GALNTL6: variants seen among roughly 807,000 people sequenced by gnomAD.
GALNTL6 encodes polypeptide N-acetylgalactosaminyltransferase like 6, also known as polypeptide N-acetylgalactosaminyltransferase-like 6.
A neutral mutation model predicts 73.7 loss-of-function variants in GALNTL6; 46 were observed. That is an observed-to-expected ratio of 0.62 (90% confidence interval 0.49 to 0.80). The LOEUF is 0.80. GALNTL6 is among the 30% of genes least tolerant of loss of function. The pLI is 0.00. For synonymous variants in GALNTL6, 259 were observed against 263.7 expected (o/e 0.98, Z 0.17); for missense variants, 604 against 755.0 (o/e 0.80, Z 2.34).
intron 5 of GALNTL6, among the ~76,000 whole-genome samples, chr4:172,767,511 T>C (rs2110850024): frequency 6.6e-6 from 1 of 152,284 alleles, no homozygotes; most frequent in South Asian, 2.1e-4. Context: ...CACCTTTTTT[T>C]CCCTTAACTA....
intron 5 of GALNTL6, among the ~76,000 whole-genome samples, chr4:172,580,959 T>G (rs1737162031): frequency 6.6e-6 from 1 of 152,098 alleles, no homozygotes; most frequent in Non-Finnish European, 1.5e-5. Context: ...ATGGAGTTTC[T>G]CCCTGTTGGT....
At chr4:172,797,672 G>A (rs745410809) in intron 5 of GALNTL6, among the ~76,000 whole-genome samples, 1 of 151,934 alleles carries the variant, frequency 6.6e-6, no homozygotes, top group Non-Finnish European at 1.5e-5. Flanking sequence ...CTGTGTAGCT[G>A]GGACTACAGG....
chr4:172,880,133 C>A (rs780111679), intron 7 of GALNTL6, among the ~76,000 whole-genome samples: 1 of 151,990 alleles, frequency 6.6e-6, no homozygotes, highest in Admixed American at 6.6e-5. Context: ...ACTATATGAT[C>A]TAGTTATTCC....
chr4:172,649,897 C>T (rs1740399109), intron 5 of GALNTL6, among the ~76,000 whole-genome samples: 1 of 152,122 alleles, frequency 6.6e-6, no homozygotes, highest in Admixed American at 6.6e-5. Context: ...AGGCACAAAT[C>T]TCATTTAGTA....
intron 2 of GALNTL6, among the ~76,000 whole-genome samples, chr4:172,190,320 G>A (rs1579233676): frequency 6.6e-6 from 1 of 152,168 alleles, no homozygotes; most frequent in African/African-American, 2.4e-5. Flanking sequence ...AATTTATGGT[G>A]TGCTGAAGAT....
intron 3 of GALNTL6, among the ~76,000 whole-genome samples, chr4:172,302,146 G>A (rs530344455): frequency 2.0e-5 from 3 of 152,312 alleles, no homozygotes; most frequent in African/African-American, 4.8e-5. Flanking sequence ...GTGAGGCTCT[G>A]TGGGCGTAGG....
intron 5 of GALNTL6, among the ~76,000 whole-genome samples, chr4:172,805,386 T>C (rs1218002970): frequency 6.6e-6 from 1 of 152,200 alleles, no homozygotes; most frequent in Non-Finnish European, 1.5e-5. Context: ...CACAGTAACA[T>C]GATGTCAAAA....
At chr4:172,244,831 T>A (rs1737566305) in intron 3 of GALNTL6, among the ~76,000 whole-genome samples, 1 of 152,204 alleles carries the variant, frequency 6.6e-6, no homozygotes, top group South Asian at 2.1e-4. Context: ...AAGAGAAACA[T>A]TTTGGGAGCT....
chr4:173,037,354 G>A (rs992506290), intron 12 of GALNTL6, among the ~76,000 whole-genome samples: 4 of 152,190 alleles, frequency 2.6e-5, no homozygotes, highest in African/African-American at 9.7e-5. Context: ...TACTGATGAA[G>A]CTTCTCAGAC....
intron 2 of GALNTL6, among the ~76,000 whole-genome samples, chr4:171,926,485 C>G (rs1737989160): frequency 6.6e-6 from 1 of 152,002 alleles, no homozygotes; most frequent in African/African-American, 2.4e-5. Context: ...TGTTAGAATT[C>G]CAACTGCTAC....
At chr4:172,710,580 A>G (rs1173356064) in intron 5 of GALNTL6, among the ~76,000 whole-genome samples, 1 of 152,272 alleles carries the variant, frequency 6.6e-6, no homozygotes, top group East Asian at 1.9e-4. Context: ...AAATTATCCA[A>G]CTATGTCTTG....
intron 11 of GALNTL6, among the ~76,000 whole-genome samples, chr4:173,014,860 TAA>T (rs1389722576): frequency 6.6e-6 from 1 of 152,034 alleles, no homozygotes; most frequent in Admixed American, 6.5e-5. Flanking sequence ...AGCAAAGAAA[TAA>T]GAGTTAACAT....
At chr4:171,994,196 T>C (rs564550644) in intron 2 of GALNTL6, among the ~76,000 whole-genome samples, 1 of 152,188 alleles carries the variant, frequency 6.6e-6, no homozygotes, top group Non-Finnish European at 1.5e-5. Context: ...AACAGCCAAC[T>C]GTAGCACATC....
chr4:172,850,433 C>G (rs1471599838), intron 7 of GALNTL6, among the ~76,000 whole-genome samples: 1 of 152,118 alleles, frequency 6.6e-6, no homozygotes, highest in East Asian at 1.9e-4. Flanking sequence ...TCTTAAAATC[C>G]TAAAACATAT....
intron 10 of GALNTL6, among the ~76,000 whole-genome samples, chr4:172,982,855 A>G (rs1751130012): frequency 6.6e-6 from 1 of 152,198 alleles, no homozygotes; most frequent in South Asian, 2.1e-4. Flanking sequence ...AAATCCAATG[A>G]AAAGAGTCTT....
intron 7 of GALNTL6, among the ~76,000 whole-genome samples, chr4:172,838,418 C>T (rs573692866): frequency 1.3e-5 from 2 of 152,336 alleles, no homozygotes; most frequent in East Asian, 3.9e-4. Context: ...TCCTGCCACA[C>T]TGTTCTTGTG....
At chr4:171,950,344 A>C (rs1346189296) in intron 2 of GALNTL6, among the ~76,000 whole-genome samples, 1 of 152,212 alleles carries the variant, frequency 6.6e-6, no homozygotes, top group East Asian at 1.9e-4. Flanking sequence ...AGAGAGAGCA[A>C]AAAATTAGTT....
chr4:172,622,383 A>T (rs969493738), intron 5 of GALNTL6, among the ~76,000 whole-genome samples: 3 of 152,224 alleles, frequency 2.0e-5, no homozygotes, highest in Admixed American at 2.0e-4. Flanking sequence ...ACAGAAAAAA[A>T]TTATGTAAGA....
chr4:172,296,996 C>T (rs1297442037), intron 3 of GALNTL6, among the ~76,000 whole-genome samples: 1 of 152,134 alleles, frequency 6.6e-6, no homozygotes, highest in Non-Finnish European at 1.5e-5. Context: ...AAAAGTGTTC[C>T]TGTTTCTCCA....
Sources: gnomAD v4.1 joint callset for allele counts (sites outside exome capture counted in the v4.1 genomes callset) on GRCh38, gnomAD v4.1.1 for gene constraint, MANE v1.5 for transcripts, NCBI Gene and HGNC (gene_info 2026-07-23, HGNC 2026-07-21) for gene names.